GNAQ: variants seen among roughly 807,000 people sequenced by gnomAD.
GNAQ encodes the protein guanine nucleotide-binding protein G(q) subunit alpha.
Under a neutral mutation model 43.9 loss-of-function variants are expected in GNAQ, and 8 were observed. The ratio of observed to expected loss-of-function variants is 0.18; its 90% CI spans 0.11 to 0.33. GNAQ has a LOEUF of 0.33. Ranked by LOEUF, GNAQ falls within the 10% of genes least tolerant of loss-of-function variation. GNAQ has a pLI of 1.00. For missense variants in GNAQ, 158 were observed against 450.8 expected (o/e 0.35, Z 5.88); for synonymous variants, 155 against 170.7 (o/e 0.91, Z 0.71).
intron 5 of GNAQ, among the ~76,000 whole-genome samples, chr9:77,760,620 G>C (rs965901956): frequency 2.4e-4 from 37 of 152,092 alleles, no homozygotes; most frequent in African/African-American, 8.2e-4. Flanking sequence ...GCCTCTGCCC[G>C]GCCGCCACCC....
At chr9:77,990,518 C>G (rs1326088351) in intron 1 of GNAQ, among the ~76,000 whole-genome samples, 1 of 152,206 alleles carries the variant, frequency 6.6e-6, no homozygotes, top group African/African-American at 2.4e-5. Flanking sequence ...CCACAACATC[C>G]AACCTCTTTT....
intron 5 of GNAQ, among the ~76,000 whole-genome samples, chr9:77,756,128 T>A (rs1825899386): frequency 6.6e-6 from 1 of 152,242 alleles, no homozygotes; most frequent in South Asian, 2.1e-4. Flanking sequence ...GACTCCAAAT[T>A]CTTCAGCTTT....
chr9:77,997,153 T>C (rs1194325147), intron 1 of GNAQ, among the ~76,000 whole-genome samples: 2 of 152,242 alleles, frequency 1.3e-5, no homozygotes, highest in South Asian at 2.1e-4. Flanking sequence ...CGCATGCCCA[T>C]AGCTTTAGCC....
At chr9:77,946,502 G>C (rs964532183) in intron 1 of GNAQ, among the ~76,000 whole-genome samples, 1 of 152,124 alleles carries the variant, frequency 6.6e-6, no homozygotes, top group African/African-American at 2.4e-5. Context: ...TTACGTCTTA[G>C]CACTAGTCAG....
chr9:77,751,226 T>C (rs1009908313), intron 5 of GNAQ, among the ~76,000 whole-genome samples: 1 of 152,192 alleles, frequency 6.6e-6, no homozygotes, highest in Non-Finnish European at 1.5e-5. Flanking sequence ...CCTAATGCCT[T>C]GATTTTTGGA....
intron 1 of GNAQ, among the ~76,000 whole-genome samples, chr9:78,024,379 C>T (rs11145656): frequency 0.41 from 61,542 of 151,928 alleles, 13,181 homozygotes; most frequent in Admixed American, 0.49. Flanking sequence ...TCACTTCTTC[C>T]GATTACCCTC....
chr9:77,881,673 C>G (rs1828209655), intron 2 of GNAQ, among the ~76,000 whole-genome samples: 1 of 152,166 alleles, frequency 6.6e-6, no homozygotes, highest in Non-Finnish European at 1.5e-5. Flanking sequence ...CATGAGCCAC[C>G]ATGCCTGGCT....
chr9:78,028,543 G>A (rs764621172), intron 1 of GNAQ, among the ~76,000 whole-genome samples: 15 of 152,128 alleles, frequency 9.9e-5, no homozygotes, highest in Non-Finnish European at 1.6e-4. Flanking sequence ...CATTAAAATG[G>A]TATCAAGCCT....
intron 5 of GNAQ, among the ~76,000 whole-genome samples, chr9:77,740,568 C>G (rs1199434285): frequency 6.6e-6 from 1 of 152,130 alleles, no homozygotes; most frequent in Non-Finnish European, 1.5e-5. Context: ...ATAAAATATT[C>G]TGAATACAAG....
intron 1 of GNAQ, among the ~76,000 whole-genome samples, chr9:77,940,970 A>G (rs567399356): frequency 5.3e-4 from 81 of 152,320 alleles, no homozygotes; most frequent in South Asian, 1.4e-3. Flanking sequence ...TCTCAAAAAA[A>G]AAAAAATTTG....
intron 1 of GNAQ, among the ~76,000 whole-genome samples, chr9:77,938,580 T>C (rs908120852): frequency 1.3e-5 from 2 of 152,064 alleles, no homozygotes; most frequent in Non-Finnish European, 2.9e-5. Context: ...GGACTTAATA[T>C]TGAAAAGATA....
chr9:77,777,205 T>G (rs1228130924), intron 5 of GNAQ, among the ~76,000 whole-genome samples: 1 of 152,100 alleles, frequency 6.6e-6, no homozygotes, highest in Non-Finnish European at 1.5e-5. Context: ...TTGGGCCTTT[T>G]CTTATACCAT....
intron 2 of GNAQ, among the ~76,000 whole-genome samples, chr9:77,843,806 G>A (rs911277155): frequency 6.6e-6 from 1 of 152,120 alleles, no homozygotes; most frequent in Non-Finnish European, 1.5e-5. Context: ...TCTGCATGGG[G>A]TCAGTCATGG....
intron 1 of GNAQ, among the ~76,000 whole-genome samples, chr9:77,930,139 G>T (rs1382069143): frequency 1.3e-5 from 2 of 152,134 alleles, no homozygotes; most frequent in Admixed American, 6.6e-5. Flanking sequence ...TGTAATCTTT[G>T]TGCAGGATCT....
chr9:77,834,298 C>G (rs971659789), intron 2 of GNAQ, among the ~76,000 whole-genome samples: 3 of 152,132 alleles, frequency 2.0e-5, no homozygotes, highest in African/African-American at 7.2e-5. Context: ...GAAGCCCTGG[C>G]TACTGAGAGA....
intron 3 of GNAQ, among the ~76,000 whole-genome samples, chr9:77,805,876 A>T (rs1303535390): frequency 6.6e-6 from 1 of 152,240 alleles, no homozygotes; most frequent in African/African-American, 2.4e-5. Context: ...GAACTAACCC[A>T]ATCTAGAAAA....
chr9:78,014,166 G>GA (rs1220192160), intron 1 of GNAQ, among the ~76,000 whole-genome samples: 1 of 152,108 alleles, frequency 6.6e-6, no homozygotes, highest in Non-Finnish European at 1.5e-5. Flanking sequence ...AAGAGAAAAG[G>GA]AAATAATGGA....
intron 1 of GNAQ, among the ~76,000 whole-genome samples, chr9:78,023,818 G>C (rs1823941457): frequency 6.6e-6 from 1 of 150,658 alleles, no homozygotes; most frequent in Non-Finnish European, 1.5e-5. Context: ...AGAAATATAT[G>C]TAACTATGTG....
At chr9:77,857,657 A>C (rs1827778991) in intron 2 of GNAQ, among the ~76,000 whole-genome samples, 1 of 87,330 alleles carries the variant, frequency 1.1e-5, no homozygotes, top group Non-Finnish European at 2.3e-5. Context: ...GGAAGGAGGG[A>C]AGGAGGGGAA....
Sources: gnomAD v4.1 joint callset for allele counts (sites outside exome capture counted in the v4.1 genomes callset) on GRCh38, gnomAD v4.1.1 for gene constraint, MANE v1.5 for transcripts, NCBI Gene and HGNC (gene_info 2026-07-23, HGNC 2026-07-21) for gene names.